The following CDH13 variants were observed in gnomAD, a reference collection of about 807,000 sequenced individuals.
The protein encoded by CDH13 is cadherin-13.
Under a neutral mutation model 63.8 loss-of-function variants are expected in CDH13, and 24 were observed. The observed-to-expected ratio is 0.38, with a 90% CI of 0.27 to 0.53. The LOEUF (loss-of-function observed/expected upper bound fraction) is 0.53. Among genes scored for constraint, CDH13 ranks in the 20% least tolerant of loss-of-function variants. The pLI, the probability that CDH13 is intolerant of heterozygous loss-of-function variation, is 0.85. For synonymous variants in CDH13, 503 were observed against 355.3 expected, an observed-to-expected ratio of 1.42 and a Z score of -4.67; for missense variants, 1,049 against 903.1, an observed-to-expected ratio of 1.16 and a Z score of -2.07.
intron 1 of CDH13, among the ~76,000 whole-genome samples, chr16:82,756,731 C>G (rs2034625517): frequency 6.6e-6 from 1 of 152,072 alleles, no homozygotes; most frequent in Non-Finnish European, 1.5e-5. Context: ...TTAGGAGGAC[C>G]AAGCTGAATA....
At chr16:83,036,380 C>T (rs1056743825) in intron 3 of CDH13, among the ~76,000 whole-genome samples, 1 of 151,864 alleles carries the variant, frequency 6.6e-6, no homozygotes, top group African/African-American at 2.4e-5. Context: ...GAATTCCTGA[C>T]CTTAAGTGAT....
At chr16:82,859,860 C>T (rs561397345) in intron 2 of CDH13, 4 of 152,240 alleles carry the variant, frequency 2.6e-5, no homozygotes, top group African/African-American at 9.6e-5. Context: ...AAGGTGAAGC[C>T]CGTGCACCTC....
chr16:83,550,615 G>A (rs1179740012), intron 7 of CDH13, among the ~76,000 whole-genome samples: 4 of 152,156 alleles, frequency 2.6e-5, no homozygotes, highest in Non-Finnish European at 5.9e-5. Context: ...CATGAGGAGG[G>A]GGAAAGATAT....
chr16:83,468,327 T>A (rs2151535036), intron 6 of CDH13, among the ~76,000 whole-genome samples: 1 of 152,174 alleles, frequency 6.6e-6, no homozygotes, highest in East Asian at 1.9e-4. Context: ...CAGAGAGAGA[T>A]GTGGCCGCCA....
At chr16:83,373,459 G>T (rs190814219) in intron 6 of CDH13, among the ~76,000 whole-genome samples, 6 of 152,224 alleles carry the variant, frequency 3.9e-5, no homozygotes, top group Admixed American at 6.5e-5. Flanking sequence ...TGTTCCGGAA[G>T]AAGGAACCTA....
intron 5 of CDH13, among the ~76,000 whole-genome samples, chr16:83,302,289 T>A (rs1158802186): frequency 6.6e-6 from 1 of 152,242 alleles, no homozygotes; most frequent in Non-Finnish European, 1.5e-5. Context: ...CTCCTGTTGC[T>A]TCAGTTTTCT....
At position 82,816,340 on chromosome 16, in the gene CDH13, G is replaced by A. The variant is rs1005416774; in HGVS notation, c.46-42022G>A. Among the ~76,000 whole-genome samples the A allele has an allele frequency of 5.7e-4, 86 of 152,050 alleles. 1 individual carries two copies. Among genetic ancestry groups the A allele is most frequent in the African/African-American group, 2.0e-3 (84 of 41,400 alleles). The stretch of plus-strand genomic sequence containing the variant: ...TGTAGGTAGTGGTGATACAGCAGTG[G>A]ACACACAGACAAAAATCCCTACTCT... On this transcript the variant is annotated intron_variant, in intron 1 of 13. Transcript: ENST00000567109.
chr16:83,447,770 GATTT>G (rs1305316753), intron 6 of CDH13, among the ~76,000 whole-genome samples: 1 of 148,836 alleles, frequency 6.7e-6, no homozygotes, highest in Non-Finnish European at 1.5e-5. Flanking sequence ...ATTAAATATT[GATTT>G]ATTTTTTATA....
At chr16:83,349,495 G>GGCCT in intron 6 of CDH13, among the ~76,000 whole-genome samples, 1 of 152,122 alleles carries the variant, frequency 6.6e-6, no homozygotes, top group Non-Finnish European at 1.5e-5. Context: ...TGAAGATTGA[G>GGCCT]GCCTGCCTGT....
Position 83,342,066 on chromosome 16 carries a change from G to GT in CDH13, c.637-2794dup, listed in dbSNP as rs2090737475. Among the ~76,000 whole-genome samples the GT allele has an allele frequency of 1.3e-5, 2 of 149,744 alleles. 1 individual carries two copies. The highest frequency in any genetic ancestry group is 4.2e-4 in the South Asian group (2 of 4,744). ...TCATACTCTACCCAGTGATGGAAATGTTCTACATCTGTGTTGTCTAATATG... is the reference window on the plus strand; with the variant it reads ...TCATACTCTACCCAGTGATGGAAATGTTTCTACATCTGTGTTGTCTAATATG... On this transcript the variant is annotated intron_variant, in intron 5 of 13. Transcript: ENST00000567109.
At chr16:83,343,455 T>C (rs375446058) in intron 5 of CDH13, among the ~76,000 whole-genome samples, 2 of 152,222 alleles carry the variant, frequency 1.3e-5, no homozygotes, top group African/African-American at 2.4e-5. Flanking sequence ...GTTCCAAATA[T>C]GTAGTGCAAA....
chr16:82,647,734 G>C (rs1910263978), intron 1 of CDH13, among the ~76,000 whole-genome samples: 1 of 152,172 alleles, frequency 6.6e-6, no homozygotes, highest in African/African-American at 2.4e-5. Flanking sequence ...ATTTGCAGTT[G>C]GAAGTTGAGC....
At chr16:82,755,520 C>T (rs944489511) in intron 1 of CDH13, among the ~76,000 whole-genome samples, 2 of 152,156 alleles carry the variant, frequency 1.3e-5, no homozygotes, top group Non-Finnish European at 2.9e-5. Flanking sequence ...GATGATGTAT[C>T]CCCAATTTTC....
At chr16:83,683,920 G>A (rs1053807310) in intron 10 of CDH13, among the ~76,000 whole-genome samples, 2 of 152,168 alleles carry the variant, frequency 1.3e-5, no homozygotes, top group Non-Finnish European at 2.9e-5. Context: ...AACAGATCAG[G>A]TTCCCACTCT....
At chr16:83,569,164 C>T (rs1033461923) in intron 7 of CDH13, among the ~76,000 whole-genome samples, 1 of 152,034 alleles carries the variant, frequency 6.6e-6, no homozygotes, top group Non-Finnish European at 1.5e-5. Context: ...TTTGCACATG[C>T]TCTTCCTCCA....
chr16:82,810,166 A>ATGTT (rs1192977023), intron 1 of CDH13, among the ~76,000 whole-genome samples: 1 of 152,226 alleles, frequency 6.6e-6, no homozygotes, highest in African/African-American at 2.4e-5. Context: ...TCTAAATGAG[A>ATGTT]TGTTATCCAG....
chr16:82,845,281 T>C (rs1207502022), intron 1 of CDH13, among the ~76,000 whole-genome samples: 12 of 152,194 alleles, frequency 7.9e-5, no homozygotes, highest in Non-Finnish European at 1.5e-5. Context: ...CCAGCTGTCA[T>C]TTCCAATGCA....
intron 5 of CDH13, among the ~76,000 whole-genome samples, chr16:83,261,415 G>A (rs569452791): frequency 6.6e-6 from 1 of 152,260 alleles, no homozygotes; most frequent in African/African-American, 2.4e-5. Context: ...GCTGGGTTGG[G>A]GGGTTGGGGG....
In CDH13 at chr16:83,629,275, A is replaced by G. The variant is rs866696196; in HGVS notation, c.1101+26681A>G. 6.6e-5 allele frequency among the ~76,000 whole-genome samples: 10 copies of G among 152,364 alleles called. No individual in the cohort carries two copies. In the South Asian group the frequency reaches 8.3e-4, roughly 13 times the overall value. The stretch of plus-strand genomic sequence containing the variant: ...TGGCTTCTGAAAACTTTCTCATAAG[A>G]TTTTAAAAATATATTTTATGGTCAA... On this transcript the variant is annotated intron_variant, in intron 8 of 13. Transcript: ENST00000567109.
Sources: allele counts gnomAD v4.1 joint callset (sites outside exome capture counted in the v4.1 genomes callset), GRCh38; gene constraint gnomAD v4.1.1; transcripts MANE v1.5; gene names NCBI Gene and HGNC (gene_info 2026-07-23, HGNC 2026-07-21).